Variants in CHSY3 observed in about 807,000 individuals in gnomAD.
CHSY3 encodes the protein N-acetylgalactosaminyl-proteoglycan 3-beta-glucuronosyltransferase 3.
Under a neutral mutation model 67.2 loss-of-function variants are expected in CHSY3, and 35 were observed. The observed-to-expected ratio is 0.52, with a 90% CI of 0.40 to 0.69. The LOEUF is 0.69. Among genes scored for constraint, CHSY3 ranks in the 30% least tolerant of loss-of-function variants. CHSY3 has a pLI of 0.00. For missense variants in CHSY3, 1,069 were observed against 1,138.5 expected (o/e 0.94, Z 0.88); for synonymous variants, 474 against 434.7 (o/e 1.09, Z -1.12).
At chr5:130,039,781 AT>A in intron 2 of CHSY3, among the ~76,000 whole-genome samples, 1 of 151,960 alleles carries the variant, frequency 6.6e-6, no homozygotes, top group East Asian at 1.9e-4. Context: ...TCCCACCAAC[AT>A]TTTTTCCCCT....
rs189054935 is a variant in CHSY3, at chr5:129,985,930, T to G, written c.1086+77570T>G. Among the ~76,000 whole-genome samples the G allele has an allele frequency of 5.1e-3, 771 of 152,282 alleles. 8 individuals carry two copies. Among genetic ancestry groups the G allele is most frequent in the Non-Finnish European group, 8.4e-3 (573 of 68,016 alleles). Reference sequence around the variant, plus strand: ...TATCCAAGAGCCTTTGGGGAGAGACTGTGGGATTTTCTAGGTATAGTATCA... The same window carrying G: ...TATCCAAGAGCCTTTGGGGAGAGACGGTGGGATTTTCTAGGTATAGTATCA... On this transcript the variant is annotated intron_variant, in intron 2 of 2. Transcript: ENST00000305031.
chr5:130,089,263 C>A (rs986750209), intron 2 of CHSY3, among the ~76,000 whole-genome samples: 3 of 149,414 alleles, frequency 2.0e-5, no homozygotes, highest in Non-Finnish European at 4.5e-5. Context: ...AGGAGATATA[C>A]CTAATGCTAA....
chr5:130,080,630 A>T (rs926213284), intron 2 of CHSY3, among the ~76,000 whole-genome samples: 2 of 152,094 alleles, frequency 1.3e-5, no homozygotes, highest in African/African-American at 4.8e-5. Flanking sequence ...CCTCTCTTTT[A>T]AAAAGACTAT....
intron 2 of CHSY3, among the ~76,000 whole-genome samples, chr5:130,045,269 C>T (rs993782377): frequency 6.6e-6 from 1 of 152,106 alleles, no homozygotes; most frequent in Non-Finnish European, 1.5e-5. Context: ...ATTTAAAAAG[C>T]ACTCACTAGG....
intron 2 of CHSY3, among the ~76,000 whole-genome samples, chr5:130,175,415 A>G (rs1770014788): frequency 6.6e-6 from 1 of 152,224 alleles, no homozygotes; most frequent in East Asian, 1.9e-4. Flanking sequence ...CAATATGGTG[A>G]AAATGGTCAT....
chr5:129,940,915 G>C (rs1761677221), intron 2 of CHSY3, among the ~76,000 whole-genome samples: 1 of 152,108 alleles, frequency 6.6e-6, no homozygotes, highest in Admixed American at 6.6e-5. Context: ...ATTGAAGGTA[G>C]ACTATGCTAA....
At chr5:130,052,657 A>G (rs1298663334) in intron 2 of CHSY3, among the ~76,000 whole-genome samples, 2 of 152,178 alleles carry the variant, frequency 1.3e-5, no homozygotes, top group Non-Finnish European at 1.5e-5. Flanking sequence ...TGCTGAAACC[A>G]AACTTGGGAA....
chr5:130,174,144 A>G (rs899916485), intron 2 of CHSY3, among the ~76,000 whole-genome samples: 2 of 151,990 alleles, frequency 1.3e-5, no homozygotes, highest in African/African-American at 4.8e-5. Context: ...CACTTAAATG[A>G]TTTTTTATTT....
chr5:130,057,144 T>C lies in CHSY3; in HGVS notation c.1087-127085T>C, dbSNP rs562341734. Among the ~76,000 whole-genome samples the C allele has an allele frequency of 2.6e-5, 4 of 151,962 alleles. No homozygotes were observed. In the South Asian group the frequency reaches 8.3e-4, roughly 32 times the overall value. On this transcript the variant is annotated intron_variant, in intron 2 of 2. Transcript: ENST00000305031. ...TTTCACCATGTTAGCCAGGATGGTC[T>C]CGATCTCCTGACCTTGTGATCCACC...
chr5:130,185,149 G>C lies in CHSY3; in HGVS notation c.2007G>C (p.Lys669Asn). The change falls in exon 3 of 3, where the codon AAG becomes AAC. Residue 669 changes from lysine to asparagine, a missense_variant. Transcript: ENST00000305031. The part of the protein sequence containing the change: ...FSRDSGQDSS[K>N]HIELIKGYQN... ...GGGATTCTGGCCAAGACTCCAGCAA[G>C]CATATTGAGCTGATAAAAGGGTACC... The C allele has an allele frequency of 6.2e-7, 1 of 1,604,350 alleles. No homozygotes were observed. The highest frequency in any genetic ancestry group is 1.1e-5 in the South Asian group (1 of 90,862).
chr5:130,064,380 T>C (rs1561520027), intron 2 of CHSY3, among the ~76,000 whole-genome samples: 1 of 152,100 alleles, frequency 6.6e-6, no homozygotes, highest in Non-Finnish European at 1.5e-5. Context: ...TTTTACACAA[T>C]TATACAGTGG....
intron 1 of CHSY3, among the ~76,000 whole-genome samples, chr5:129,906,688 A>T (rs1760315428): frequency 6.6e-6 from 1 of 152,208 alleles, no homozygotes; most frequent in South Asian, 2.1e-4. Context: ...CAAGGGAAGC[A>T]GCAGGGTTGT....
At chr5:130,089,873 A>C (rs138381194) in intron 2 of CHSY3, among the ~76,000 whole-genome samples, 1 of 152,338 alleles carries the variant, frequency 6.6e-6, no homozygotes, top group African/African-American at 2.4e-5. Context: ...TACTGTCAGC[A>C]TGTGTCCAGA....
chr5:129,918,536 T>A (rs559942108), intron 2 of CHSY3, among the ~76,000 whole-genome samples: 8 of 152,286 alleles, frequency 5.3e-5, no homozygotes, highest in Admixed American at 2.6e-4. Context: ...AAGTACAGGA[T>A]ACACAGGAGT....
intron 1 of CHSY3, among the ~76,000 whole-genome samples, chr5:129,907,795 T>G (rs1483466109): frequency 6.6e-6 from 1 of 152,236 alleles, no homozygotes; most frequent in Non-Finnish European, 1.5e-5. Context: ...TTTACTTTCC[T>G]TGTCATTATT....
At chr5:129,928,170 T>C (rs1761178123) in intron 2 of CHSY3, among the ~76,000 whole-genome samples, 1 of 151,520 alleles carries the variant, frequency 6.6e-6, no homozygotes, top group South Asian at 2.1e-4. Context: ...TATTCATTTG[T>C]TATCTTTCCT....
chr5:129,944,803 G>C (rs2149596949), intron 2 of CHSY3, among the ~76,000 whole-genome samples: 1 of 152,232 alleles, frequency 6.6e-6, no homozygotes, highest in South Asian at 2.1e-4. Context: ...AGTAATGCAT[G>C]CTTCTTATAA....
intron 2 of CHSY3, among the ~76,000 whole-genome samples, chr5:130,149,111 A>G (rs1313669943): frequency 6.6e-6 from 1 of 152,158 alleles, no homozygotes; most frequent in East Asian, 1.9e-4. Context: ...TCTTCTTCAT[A>G]TGGCTAGCCA....
intron 2 of CHSY3, among the ~76,000 whole-genome samples, chr5:129,948,075 G>C (rs1761912274): frequency 6.6e-6 from 1 of 152,084 alleles, no homozygotes; most frequent in South Asian, 2.1e-4. Context: ...TAATTTTCTT[G>C]ATGGTGTCTT....
Sources: allele counts gnomAD v4.1 joint callset (sites outside exome capture counted in the v4.1 genomes callset), GRCh38; gene constraint gnomAD v4.1.1; transcripts MANE v1.5; gene names NCBI Gene and HGNC (gene_info 2026-07-23, HGNC 2026-07-21).